Variants in TRIM14 observed in about 807,000 individuals in gnomAD.
TRIM14 encodes the protein tripartite motif-containing protein 14.
In TRIM14, 28 loss-of-function variants were observed where a neutral mutation model predicts 44.5. That is an observed-to-expected ratio of 0.63 (90% CI 0.47 to 0.86). The LOEUF is 0.86. Among genes scored for constraint, TRIM14 ranks in the 40% least tolerant of loss-of-function variants. The pLI is 0.00. For synonymous variants in TRIM14, 299 were observed against 269.2 expected (o/e 1.11, Z -1.08); for missense variants, 607 against 611.1 (o/e 0.99, Z 0.07).
chr9:98,040,948 C>T, the TRIM14 span, among the ~76,000 whole-genome samples: 3 of 152,096 alleles, frequency 2.0e-5, no homozygotes, highest in East Asian at 1.9e-4. Flanking sequence ...AGCCACCGTG[C>T]CCAGTGATTT....
intron 2 of TRIM14, among the ~76,000 whole-genome samples, chr9:98,105,038 C>T (rs909294440): frequency 6.6e-6 from 1 of 152,164 alleles, no homozygotes; most frequent in East Asian, 1.9e-4. Context: ...GTGGCCATGC[C>T]CAGCAGGGGC....
rs780781911 is a variant in TRIM14, at chr9:98,095,022, G to A, written c.545C>T (p.Thr182Met). 11 of 1,612,576 alleles carry A rather than the reference G, an allele frequency of 6.8e-6. No individual in the cohort carries two copies. Among genetic ancestry groups the A allele is most frequent in the African/African-American group, 4.0e-5 (3 of 74,854 alleles). ...PDPVQRLQAY[T>M]ATEQEMQQQM... is the part of the protein sequence containing the mutation. ...CTGCTGCATCTCCTGCTCGGTGGCCGTGTATGCCTGTGTGGGCACACGGGG... is the reference window on the plus strand; with the variant it reads ...CTGCTGCATCTCCTGCTCGGTGGCCATGTATGCCTGTGTGGGCACACGGGG... Residue 182 changes from threonine (T) to methionine (M), a missense_variant, in exon 4 of 6, where the codon ACG becomes ATG. Around this residue, in one of 3 missense-constraint regions of TRIM14, gnomAD observed 246 missense variants for 270.8 expected, o/e 0.91. Coordinates refer to ENST00000341469, the MANE Select transcript of TRIM14 (RefSeq NM_014788.4). The surrounding 1 kb of genome is among the most constrained non-coding windows in gnomAD (Gnocchi z 4.1).
chr9:98,052,327 A>G, the TRIM14 span, among the ~76,000 whole-genome samples: 30 of 150,890 alleles, frequency 2.0e-4, no homozygotes, highest in African/African-American at 6.8e-4. Flanking sequence ...GAGAAAAACA[A>G]TTCAGTTGAC....
At chr9:98,102,248 G>T (rs1422611854) in intron 2 of TRIM14, among the ~76,000 whole-genome samples, 1 of 152,146 alleles carries the variant, frequency 6.6e-6, no homozygotes, top group Non-Finnish European at 1.5e-5. Context: ...TCCAGCTCCT[G>T]CCTCTTTGCA....
At chr9:98,049,963 G>C in the TRIM14 span, among the ~76,000 whole-genome samples, 2 of 152,208 alleles carry the variant, frequency 1.3e-5, no homozygotes, top group Admixed American at 6.5e-5. Context: ...TTTTGAGCCA[G>C]GGTAGGCATA....
chr9:98,097,263 A>G (rs535777093), intron 3 of TRIM14, among the ~76,000 whole-genome samples: 136 of 152,270 alleles, frequency 8.9e-4, no homozygotes, highest in Non-Finnish European at 1.4e-3. Context: ...CATGGCACAT[A>G]AGGCCTTCAT....
intron 6 of TRIM14, chr9:98,078,095 A>G: frequency 6.5e-7 from 1 of 1,531,346 alleles, no homozygotes; most frequent in Non-Finnish European, 9.0e-7. Flanking sequence ...ATGTCTGTGG[A>G]GTTCAGTTGA....
chr9:98,104,398 G>C (rs1160534750), intron 2 of TRIM14, among the ~76,000 whole-genome samples: 5 of 152,274 alleles, frequency 3.3e-5, no homozygotes. Context: ...AAATACAAAA[G>C]AAGCTTCACG....
downstream of TRIM14, chr9:98,082,091 C>T (rs754318739): frequency 1.3e-5 from 2 of 152,088 alleles, no homozygotes; most frequent in African/African-American, 2.4e-5. Flanking sequence ...TAATAAAACA[C>T]GTAATTTATT....
the TRIM14 span, among the ~76,000 whole-genome samples, chr9:98,052,557 G>C: frequency 3.1e-4 from 47 of 152,154 alleles, no homozygotes; most frequent in Admixed American, 1.4e-3. Context: ...GCCCAGGCTG[G>C]AGTGCAATGG....
In TRIM14 at chr9:98,112,658, G is replaced by A. The variant is rs544732298; in HGVS notation, c.208-2674C>T. On this transcript the variant is annotated intron_variant, in intron 1 of 5. Transcript: ENST00000341469. Reference sequence around the variant, plus strand: ...TACTAAAAATACAAAAATTAGCCAGGTGTGGTGGTGCACGCCTGTAATCAC... The same window carrying A: ...TACTAAAAATACAAAAATTAGCCAGATGTGGTGGTGCACGCCTGTAATCAC... Among the ~76,000 whole-genome samples the A allele has an allele frequency of 2.0e-5, 3 of 151,786 alleles. No individual in the cohort carries two copies. In the South Asian group the frequency reaches 6.2e-4, roughly 32 times the overall value.
At chr9:98,038,079 CT>C in the TRIM14 span, among the ~76,000 whole-genome samples, 2 of 151,886 alleles carry the variant, frequency 1.3e-5, no homozygotes, top group Non-Finnish European at 2.9e-5. Flanking sequence ...GAGATGGAGT[CT>C]TTCTGTGTCA....
At chr9:98,057,413 C>T in the TRIM14 span, among the ~76,000 whole-genome samples, 1 of 152,198 alleles carries the variant, frequency 6.6e-6, no homozygotes, top group East Asian at 1.9e-4. Context: ...CTCTCACCCG[C>T]CATTCCCTGT....
the TRIM14 span, among the ~76,000 whole-genome samples, chr9:98,050,845 C>T: frequency 6.6e-6 from 1 of 152,132 alleles, no homozygotes; most frequent in Non-Finnish European, 1.5e-5. Flanking sequence ...ATGATCTTGG[C>T]TCACTGTAAC....
the TRIM14 span, among the ~76,000 whole-genome samples, chr9:98,061,855 A>G: frequency 2.0e-5 from 3 of 151,970 alleles, no homozygotes; most frequent in Non-Finnish European, 4.4e-5. Context: ...GGTCAGCCAC[A>G]CTGGAATCCC....
At chr9:98,048,725 A>G in the TRIM14 span, among the ~76,000 whole-genome samples, 1 of 152,122 alleles carries the variant, frequency 6.6e-6, no homozygotes, top group Non-Finnish European at 1.5e-5. Context: ...AAATCGTTCA[A>G]CTTGAGTAAA....
chr9:98,110,159 ATC>A, intron 1 of TRIM14, 175 bp from the exon 2 acceptor site: 1 of 596,522 alleles, frequency 1.7e-6, no homozygotes, highest in Admixed American at 3.0e-5. Context: ...GGACTAGGAC[ATC>A]TCTGATCCTC....
the TRIM14 span, among the ~76,000 whole-genome samples, chr9:98,041,784 G>A: frequency 6.6e-6 from 1 of 151,066 alleles, no homozygotes; most frequent in African/African-American, 2.4e-5. Context: ...CCAGGTTCAC[G>A]CCATTCTCCT....
chr9:98,100,490 A>T (rs1171192081), intron 2 of TRIM14, among the ~76,000 whole-genome samples: 3 of 152,234 alleles, frequency 2.0e-5, no homozygotes, highest in Admixed American at 2.0e-4. Flanking sequence ...TATAAATTTG[A>T]TGAAATTCTA....
Sources: gnomAD v4.1 joint callset for allele counts (sites outside exome capture counted in the v4.1 genomes callset) on GRCh38, gnomAD v4.1.1 for gene constraint, gnomAD v4.1.1 regional missense constraint, Gnocchi (gnomAD v3.1) non-coding constraint, MANE v1.5 for transcripts, NCBI Gene and HGNC (gene_info 2026-07-23, HGNC 2026-07-21) for gene names.